DNAH11: variants seen among roughly 807,000 people sequenced by gnomAD.
DNAH11 encodes the protein axonemal beta dynein heavy chain 11.
In DNAH11, 442 loss-of-function variants were observed where a neutral mutation model predicts 526.0. That is an observed-to-expected ratio of 0.84 (90% CI 0.78 to 0.91). The LOEUF (loss-of-function observed/expected upper bound fraction) is 0.91, where lower values mean the gene tolerates loss of function less well. Ranked by LOEUF, DNAH11 falls within the 40% of genes least tolerant of loss-of-function variation. DNAH11 has a pLI of 0.00. For missense variants in DNAH11, 6,989 were observed against 5,448.7 expected, an observed-to-expected ratio of 1.28 and a Z score of -8.90; for synonymous variants, 2,461 against 1,935.9, an observed-to-expected ratio of 1.27 and a Z score of -7.12.
chr7:21,842,592 C>G lies in DNAH11; in HGVS notation c.10740C>G (p.Arg3580=), dbSNP rs114916492. Reference sequence around the variant, plus strand: ...AATGTGAATTTAACAAGAACTTTCGCCTTATCCTTCACACAAAATTGGCAA... The same window carrying G: ...AATGTGAATTTAACAAGAACTTTCGGCTTATCCTTCACACAAAATTGGCAA... ...DKECEFNKNF[R]LILHTKLANP... Residue 3580 remains arginine, a synonymous_variant, in exon 66 of 82, where the codon CGC becomes CGG. Coordinates refer to ENST00000409508, the MANE Select transcript of DNAH11 (RefSeq NM_001277115.2). The G allele has an allele frequency of 8.8e-5, 142 of 1,613,918 alleles. No homozygotes were observed. In the African/African-American group the frequency reaches 1.8e-3, roughly 20 times the overall value.
intron 65 of DNAH11, among the ~76,000 whole-genome samples, chr7:21,823,191 T>G (rs1438425919): frequency 6.6e-6 from 1 of 152,088 alleles, no homozygotes; most frequent in Non-Finnish European, 1.5e-5. Flanking sequence ...CCCCAAAATC[T>G]TTTAACAAGC....
intron 54 of DNAH11, among the ~76,000 whole-genome samples, chr7:21,761,601 C>A (rs1283615019): frequency 6.6e-6 from 1 of 152,134 alleles, no homozygotes; most frequent in Admixed American, 6.6e-5. Context: ...AGTCCCACCT[C>A]CAGAGTTTCT....
At chr7:21,872,123 C>CA (rs776718319) in intron 73 of DNAH11, among the ~76,000 whole-genome samples, 607 of 30,804 alleles carry the variant, frequency 0.02, 70 homozygotes, top group East Asian at 0.076. Flanking sequence ...GACTCTGTCT[C>CA]AAAAAAAAAA....
intron 25 of DNAH11, among the ~76,000 whole-genome samples, chr7:21,627,077 C>G (rs2893045): frequency 0.058 from 8,877 of 152,014 alleles, 292 homozygotes; most frequent in African/African-American, 0.076. Context: ...AATGCCTATT[C>G]AAATATTTTG....
intron 69 of DNAH11, among the ~76,000 whole-genome samples, chr7:21,862,883 T>G (rs754704970): frequency 4.0e-5 from 6 of 151,806 alleles, no homozygotes; most frequent in Non-Finnish European, 8.8e-5. Context: ...GCTAACACAG[T>G]GAAACCCCGG....
intron 58 of DNAH11, among the ~76,000 whole-genome samples, chr7:21,786,248 G>A (rs1788179981): frequency 6.6e-6 from 1 of 151,922 alleles, no homozygotes. Context: ...TGGTTAAGAT[G>A]CAAATCTATT....
At chr7:21,686,492 C>T (rs533399056) in intron 32 of DNAH11, among the ~76,000 whole-genome samples, 192 of 152,254 alleles carry the variant, frequency 1.3e-3, no homozygotes, top group South Asian at 2.5e-3. Context: ...ACTTCTGAGT[C>T]TTTGCTGCAA....
Position 21,813,950 on chromosome 7 carries a change from A to T in DNAH11, c.10333-2517A>T, listed in dbSNP as rs531498542. ...TCTAATATGTCACTTAATGAAGGGG[A>T]TATGTTCTGAGAAATGTCTTTTGGT... On this transcript the variant is annotated intron_variant, in intron 63 of 81. Coordinates refer to ENST00000409508, the MANE Select transcript of DNAH11 (RefSeq NM_001277115.2). Among the ~76,000 whole-genome samples the T allele has an allele frequency of 2.6e-5, 4 of 152,296 alleles. No homozygotes were observed. In the South Asian group the frequency reaches 8.3e-4, roughly 32 times the overall value.
In DNAH11 at chr7:21,687,437, A is replaced by G; in HGVS notation, c.5834A>G (p.Asp1945Gly). Reference protein sequence around the residue: ...LVQTGAWGCFDEFNRISVEVL... With the variant: ...LVQTGAWGCFGEFNRISVEVL... ...CAGACAGGAGCTTGGGGCTGCTTTG[A>G]TGAGTTCAACCGAATCTCTGTGGAA... The change falls in exon 34 of 82, where the codon GAT (aspartate) becomes GGT (glycine). Residue 1945 changes from aspartate to glycine, a missense_variant. Transcript: ENST00000409508. The G allele has an allele frequency of 6.2e-7, 1 of 1,614,016 alleles. No homozygotes were observed. Among genetic ancestry groups the G allele is most frequent in the Non-Finnish European group, 8.5e-7 (1 of 1,179,932 alleles).
chr7:21,687,018 T>A (rs1263376515), intron 32 of DNAH11, 81 bp from the exon 33 acceptor site: 4 of 1,383,378 alleles, frequency 2.9e-6, no homozygotes, highest in East Asian at 2.5e-5. Flanking sequence ...CTTCTTAAAC[T>A]TTTTTTCTAA....
intron 32 of DNAH11, among the ~76,000 whole-genome samples, chr7:21,685,946 TGTA>T (rs1342030871): frequency 3.3e-5 from 5 of 152,196 alleles, no homozygotes; most frequent in Admixed American, 6.5e-5. Context: ...AGGCAGGAAA[TGTA>T]GTCTCTAAAC....
At chr7:21,601,254 G>C (rs550754051) in intron 17 of DNAH11, 75 bp downstream of exon 17, 5 of 1,497,176 alleles carry the variant, frequency 3.3e-6, no homozygotes, top group Middle Eastern at 2.1e-4. Flanking sequence ...ACTTTTAAGC[G>C]TATTAATGTT....
intron 55 of DNAH11, among the ~76,000 whole-genome samples, chr7:21,769,465 A>C (rs754063588): frequency 1.3e-5 from 2 of 150,772 alleles, no homozygotes; most frequent in Non-Finnish European, 2.9e-5. Context: ...AGGTAGCTGG[A>C]TTGCTTTTTT....
At chr7:21,583,382 C>T (rs529940410) in intron 9 of DNAH11, among the ~76,000 whole-genome samples, 16 of 152,246 alleles carry the variant, frequency 1.1e-4, no homozygotes, top group African/African-American at 3.9e-4. Context: ...ACTGGCTTGC[C>T]ATATGCAGAA....
At chr7:21,782,897 GA>G (rs1433840111) in intron 57 of DNAH11, among the ~76,000 whole-genome samples, 1 of 131,906 alleles carries the variant, frequency 7.6e-6, no homozygotes, top group Non-Finnish European at 1.6e-5. Flanking sequence ...GTGACAGAAC[GA>G]AACTGTCTCA....
At chr7:21,818,487 A>AGTTTC in intron 65 of DNAH11, 148 bp downstream of exon 65, 1 of 747,542 alleles carries the variant, frequency 1.3e-6, no homozygotes. Flanking sequence ...AGACCAAAGC[A>AGTTTC]ACTGCAACAT....
intron 65 of DNAH11, among the ~76,000 whole-genome samples, chr7:21,840,063 C>T (rs1782146605): frequency 6.6e-6 from 1 of 152,130 alleles, no homozygotes; most frequent in South Asian, 2.1e-4. Flanking sequence ...CTTTCCTTAC[C>T]ATAGACACAA....
At position 21,690,863 on chromosome 7, in the gene DNAH11, A is replaced by G; in HGVS notation, c.6023A>G (p.Asn2008Ser). 4 of 1,612,494 alleles carry G rather than the reference A, an allele frequency of 2.5e-6. No homozygotes were observed. Among genetic ancestry groups the G allele is most frequent in the Non-Finnish European group, 3.4e-6 (4 of 1,179,234 alleles). ...GYAGRTELPE[N>S]LKALFRPCAM... ...GCTGGTCGAACCGAATTACCGGAAA[A>G]TCTCAAAGCTCTTTTCAGGCAAGTG... Residue 2008 changes from asparagine to serine, a missense_variant, in exon 35 of 82, where the codon AAT (asparagine) becomes AGT (serine). Physicochemically the swap from Asn to Ser is conservative, Grantham distance 46. Transcript: ENST00000409508.
At chr7:21,837,139 T>A (rs967430972) in intron 65 of DNAH11, among the ~76,000 whole-genome samples, 97 of 152,298 alleles carry the variant, frequency 6.4e-4, no homozygotes, top group African/African-American at 2.2e-3. Context: ...TATACACCAT[T>A]GGTGGAAATG....
Sources: allele counts gnomAD v4.1 joint callset (sites outside exome capture counted in the v4.1 genomes callset), GRCh38; gene constraint gnomAD v4.1.1; transcripts MANE v1.5; gene names NCBI Gene and HGNC (gene_info 2026-07-23, HGNC 2026-07-21).